DHRSX: variants seen among roughly 807,000 people sequenced by gnomAD.
The protein encoded by DHRSX is polyprenol dehydrogenase.
In DHRSX, 31 loss-of-function variants were observed where a neutral mutation model predicts 34.0. That is an observed-to-expected ratio of 0.91 (90% CI 0.69 to 1.23). The LOEUF is 1.23. DHRSX is among the 50% of genes most tolerant of loss of function. The pLI is 0.00. For synonymous variants in DHRSX, 201 were observed against 183.8 expected, an observed-to-expected ratio of 1.09 and a Z score of -0.76; for missense variants, 414 against 428.1, an observed-to-expected ratio of 0.97 and a Z score of 0.29.
At chrX:2,340,205 G>A (rs1002509482) in intron 3 of DHRSX, among the ~76,000 whole-genome samples, 1 of 151,954 alleles carries the variant, frequency 6.6e-6, no homozygotes, top group Non-Finnish European at 1.5e-5. Context: ...GGGGGGCTAG[G>A]GGAGTGATAG....
At chrX:2,231,253 G>A (rs1201176267) in intron 6 of DHRSX, among the ~76,000 whole-genome samples, 2 of 152,104 alleles carry the variant, frequency 1.3e-5, no homozygotes, top group Admixed American at 6.6e-5. Context: ...CCTGTGGAAA[G>A]GAGAGATGGC....
At chrX:2,372,126 G>C (rs1488605381) in intron 3 of DHRSX, among the ~76,000 whole-genome samples, 2 of 152,064 alleles carry the variant, frequency 1.3e-5, no homozygotes, top group Admixed American at 1.3e-4. Context: ...TTCTTTCTTT[G>C]CTACAAACTC....
chrX:2,432,129 G>A (rs1315881849), intron 1 of DHRSX, among the ~76,000 whole-genome samples: 1 of 152,074 alleles, frequency 6.6e-6, no homozygotes, highest in Non-Finnish European at 1.5e-5. Flanking sequence ...GGGAGGTGGA[G>A]CTTGCAGTGA....
In DHRSX at chrX:2,243,022, C is replaced by A; in HGVS notation, c.804+1G>T. 1 of 1,613,158 alleles carries A rather than the reference C, an allele frequency of 6.2e-7. No individual in the cohort carries two copies. On this transcript the variant is annotated splice_donor_variant, in intron 6 of 6. Transcript: ENST00000334651. LOFTEE classifies it high-confidence loss of function. ...GAATCAGAGAAGCAGAAGGGGCTTA[C>A]CTTGAAAAGCAACCAGCCGAGAAGC...
chrX:2,307,902 G>T (rs1381962667), intron 3 of DHRSX, among the ~76,000 whole-genome samples: 1 of 151,982 alleles, frequency 6.6e-6, no homozygotes, highest in Non-Finnish European at 1.5e-5. Flanking sequence ...GTACTTGCTA[G>T]GAGCTCAGTG....
intron 1 of DHRSX, among the ~76,000 whole-genome samples, chrX:2,481,141 A>G (rs1037682193): frequency 2.0e-5 from 3 of 152,192 alleles, no homozygotes; most frequent in African/African-American, 7.2e-5. Context: ...CACAATGTGT[A>G]CTCGGATTAA....
intron 3 of DHRSX, chrX:2,336,257 C>T (rs750323511): frequency 1.3e-5 from 2 of 152,278 alleles, no homozygotes; most frequent in South Asian, 4.1e-4. Context: ...ATCCGCCTGC[C>T]TCACCCTCCC....
intron 3 of DHRSX, among the ~76,000 whole-genome samples, chrX:2,368,279 C>T (rs2043018063): frequency 6.6e-6 from 1 of 151,432 alleles, no homozygotes; most frequent in African/African-American, 2.4e-5. Context: ...CCTATTGACC[C>T]ATGTTATAAA....
chrX:2,372,280 T>C (rs2043081587), intron 3 of DHRSX, among the ~76,000 whole-genome samples: 1 of 152,068 alleles, frequency 6.6e-6, no homozygotes, highest in African/African-American at 2.4e-5. Flanking sequence ...TGAGGCGAAA[T>C]ACATGACTGA....
intron 3 of DHRSX, among the ~76,000 whole-genome samples, chrX:2,371,505 CCCGTTACCACAGCCCCTCCT>C (rs1488288242): frequency 6.7e-6 from 1 of 149,674 alleles, no homozygotes; most frequent in Non-Finnish European, 1.5e-5. Context: ...GTAGACCCTC[CCCGTTACCACAGCCCCTCCT>C]CCGTTACCAT....
At chrX:2,324,242 G>A (rs996510416) in intron 3 of DHRSX, among the ~76,000 whole-genome samples, 2 of 152,022 alleles carry the variant, frequency 1.3e-5, no homozygotes, top group African/African-American at 4.8e-5. Context: ...GGTTGAGGAC[G>A]CATGCATGTG....
chrX:2,488,465 G>T (rs1007543017), intron 1 of DHRSX: 2 of 900,138 alleles, frequency 2.2e-6, no homozygotes, highest in Non-Finnish European at 3.2e-6. Flanking sequence ...AGGAGCCACC[G>T]CCCCCGACCC....
At position 2,500,898 on chromosome X, in the gene DHRSX, C is replaced by A; in HGVS notation, c.28G>T (p.Ala10Ser). Residue 10 changes from alanine (A) to serine (S), a missense_variant, in exon 1 of 7, where the codon GCC (alanine) becomes TCC (serine). Physicochemically the swap from Ala to Ser is moderately conservative, Grantham distance 99. Coordinates refer to ENST00000334651, the MANE Select transcript of DHRSX (RefSeq NM_145177.3). MSPLSAARAALRVYAVGAAV... is the reference protein window; with the variant it reads MSPLSAARASLRVYAVGAAV... ...GCGCCTACCGCGTAGACCCGCAGGG[C>A]CGCCCGCGCCGCAGACAATGGCGAC... 1 of 1,127,124 alleles carries A rather than the reference C, an allele frequency of 8.9e-7. No individual in the cohort carries two copies. Among genetic ancestry groups the A allele is most frequent in the Non-Finnish European group, 1.1e-6 (1 of 917,878 alleles). 69.8% of individuals were successfully genotyped at this position (1,127,124 alleles called of 1,614,324 possible).
At chrX:2,386,995 C>T (rs1316066979) in intron 3 of DHRSX, among the ~76,000 whole-genome samples, 2 of 151,390 alleles carry the variant, frequency 1.3e-5, no homozygotes, top group Admixed American at 6.6e-5. Flanking sequence ...GAGGCCCAGT[C>T]ATCATTTGCT....
At chrX:2,460,232 C>G (rs184194685) in intron 1 of DHRSX, among the ~76,000 whole-genome samples, 1 of 151,872 alleles carries the variant, frequency 6.6e-6, no homozygotes, top group Non-Finnish European at 1.5e-5. Flanking sequence ...CTCGGAGGGC[C>G]GGGCCTGCTC....
In DHRSX at chrX:2,307,799, AAAAT is replaced by A. The variant is rs1569486352; in HGVS notation, c.287-16200_287-16197del. ...AAAAAGTAATAAAAATAAAAAAAAT[AAAAT>A]AAAAAACAAGGAAAAACAAAAGAGT... On this transcript the variant is annotated intron_variant, in intron 3 of 6. Transcript: ENST00000334651. Among the ~76,000 whole-genome samples, 396 of 144,408 alleles carry A rather than the reference AAAAT, an allele frequency of 2.7e-3. 4 individuals are homozygous for A. In the Middle Eastern group the frequency reaches 0.04, roughly 15 times the overall value. 94.7% of individuals were successfully genotyped at this position (144,408 alleles called of 152,430 possible). A position where few individuals can be genotyped will look rare whatever the true frequency, so the allele number is the denominator to read the frequency against.
chrX:2,321,526 T>C (rs180680775), intron 3 of DHRSX, among the ~76,000 whole-genome samples: 134 of 152,166 alleles, frequency 8.8e-4, no homozygotes, highest in Non-Finnish European at 1.3e-3. Flanking sequence ...TATGTTGGGA[T>C]TCGTGCCCTT....
intron 1 of DHRSX, among the ~76,000 whole-genome samples, chrX:2,485,512 G>A (rs2044867957): frequency 6.8e-6 from 1 of 146,024 alleles, no homozygotes; most frequent in African/African-American, 2.5e-5. Context: ...AGGGATGGAA[G>A]GAAAACGAAA....
intron 5 of DHRSX, among the ~76,000 whole-genome samples, chrX:2,243,786 C>CTGTTTTTTTTTTTTTTTTT (rs2016203017): frequency 1.2e-4 from 3 of 25,108 alleles, no homozygotes; most frequent in Non-Finnish European, 3.2e-4. Flanking sequence ...ACTATGCTCC[C>CTGTTTTTTTTTTTTTTTTT]TGTTTTTTTT....
Sources: allele counts gnomAD v4.1 joint callset (sites outside exome capture counted in the v4.1 genomes callset), GRCh38; gene constraint gnomAD v4.1.1; transcripts MANE v1.5; gene names NCBI Gene and HGNC (gene_info 2026-07-23, HGNC 2026-07-21).